The following MCC variants were observed in gnomAD, a reference collection of about 807,000 sequenced individuals.
The protein encoded by MCC is MCC regulator of Wnt signaling pathway, also known as colorectal mutant cancer protein.
In MCC, 90 loss-of-function variants were observed where a neutral mutation model predicts 116.2. That is an observed-to-expected ratio of 0.77 (90% CI 0.65 to 0.92). MCC has a LOEUF of 0.92. Ranked by LOEUF, MCC falls within the 40% of genes least tolerant of loss-of-function variation. MCC has a pLI of 0.00. For synonymous variants in MCC, 578 were observed against 510.5 expected (o/e 1.13, Z -1.78); for missense variants, 1,516 against 1,312.2 (o/e 1.16, Z -2.40).
chr5:113,488,389 G>T lies in MCC; in HGVS notation c.26C>A (p.Ala9Asp). 1 of 1,404,276 alleles carries T rather than the reference G, an allele frequency of 7.1e-7. No individual in the cohort carries two copies. The highest frequency in any genetic ancestry group is 9.2e-7 in the Non-Finnish European group (1 of 1,090,642). The allele number at this position is 1,404,276 out of a possible 1,614,324, so 87.0% of individuals were successfully genotyped here. ...GCCGCCGCTGCTGGAGCTCCCCGCA[G>T]CCGCTGCCGCCGCGGCCGCCATCAT... MMAAAAAA[A>D]AGSSSSGGGG... The change falls in exon 1 of 19, where the codon GCT (alanine) becomes GAT (aspartate). Residue 9 changes from alanine (A) to aspartate (D), a missense_variant. Physicochemically the swap from Ala to Asp is moderately radical, Grantham distance 126 (BLOSUM62 -2). Transcript: ENST00000408903.
chr5:113,168,373 G>A (rs1400268925), intron 3 of MCC, among the ~76,000 whole-genome samples: 1 of 152,160 alleles, frequency 6.6e-6, no homozygotes, highest in Non-Finnish European at 1.5e-5. Context: ...GCTTTAACAT[G>A]ATTCAGTTCT....
rs1765527984 is a variant in MCC at position 113,269,304 on chromosome 5, CAATGATACCT to C, written c.627+71205_627+71214del. The C allele has an allele frequency of 7.9e-6, 4 of 508,226 alleles. No individual in the cohort carries two copies. In the African/African-American group the frequency reaches 1.4e-4, roughly 18 times the overall value. The allele number at this position is 508,226 out of a possible 1,614,324, so 31.5% of individuals were successfully genotyped here. ...AACCAGAGGCCAATGAACTCTTTTT[CAATGATACCT>C]TTTTCAATGATACCTTAACTGATAA... On this transcript the variant is annotated intron_variant, in intron 3 of 18. Transcript: ENST00000408903.
At chr5:113,431,763 AGGGG>A (rs34082350) in intron 1 of MCC, among the ~76,000 whole-genome samples, 1 of 40,776 alleles carries the variant, frequency 2.5e-5, no homozygotes, top group African/African-American at 5.1e-5. Context: ...TGGGAGGCCA[AGGGG>A]GGGGGGGGGT....
At chr5:113,130,508 T>C (rs543511539) in intron 5 of MCC, among the ~76,000 whole-genome samples, 21 of 152,284 alleles carry the variant, frequency 1.4e-4, no homozygotes, top group African/African-American at 4.8e-4. Context: ...ATATACCTTC[T>C]TGAGAGCCTG....
intron 1 of MCC, among the ~76,000 whole-genome samples, chr5:113,409,054 A>G (rs1440309886): frequency 6.6e-6 from 1 of 152,224 alleles, no homozygotes; most frequent in South Asian, 2.1e-4. Flanking sequence ...CCAATTTATC[A>G]GTCAGAGGAT....
chr5:113,238,600 AAATG>A (rs1331331464), intron 3 of MCC, among the ~76,000 whole-genome samples: 1 of 152,246 alleles, frequency 6.6e-6, no homozygotes, highest in Non-Finnish European at 1.5e-5. Flanking sequence ...TACAATTCAA[AAATG>A]AAGGCTGTTA....
intron 3 of MCC, among the ~76,000 whole-genome samples, chr5:113,241,045 A>C (rs1764344497): frequency 6.6e-6 from 1 of 152,222 alleles, no homozygotes; most frequent in Non-Finnish European, 1.5e-5. Flanking sequence ...GTTGAATCAG[A>C]AACTGAGTAA....
intron 3 of MCC, among the ~76,000 whole-genome samples, chr5:113,238,044 T>C (rs755914486): frequency 3.9e-5 from 6 of 152,222 alleles, no homozygotes; most frequent in South Asian, 2.1e-4. Context: ...CAAAAATTTC[T>C]GGCTGCAAGA....
intron 5 of MCC, among the ~76,000 whole-genome samples, chr5:113,138,403 A>T (rs1758971026): frequency 6.6e-6 from 1 of 152,186 alleles, no homozygotes; most frequent in Non-Finnish European, 1.5e-5. Context: ...AGATGAGGTC[A>T]TGAGGGTGGG....
At chr5:113,181,905 G>A (rs1014442496) in intron 3 of MCC, among the ~76,000 whole-genome samples, 1 of 152,146 alleles carries the variant, frequency 6.6e-6, no homozygotes, top group East Asian at 1.9e-4. Context: ...CAGTTGCCAC[G>A]CAGATATGTT....
At chr5:113,344,141 G>A (rs572080067) in intron 2 of MCC, among the ~76,000 whole-genome samples, 1 of 152,146 alleles carries the variant, frequency 6.6e-6, no homozygotes, top group Non-Finnish European at 1.5e-5. Context: ...CACAGCAAGT[G>A]GGGGACTTGG....
intron 2 of MCC, among the ~76,000 whole-genome samples, chr5:113,341,007 C>T (rs1039894021): frequency 6.6e-6 from 1 of 152,174 alleles, no homozygotes; most frequent in African/African-American, 2.4e-5. Context: ...ACTGGAGAGC[C>T]AAGTAAAGGG....
rs942138392 is a variant in MCC at position 113,025,560 on chromosome 5, A to C, written c.*1742T>G. On this transcript the variant is annotated 3_prime_UTR_variant, in exon 19 of 19. Transcript: ENST00000408903. ...CAGTGAGCCAAGATCACGCCACTGC[A>C]CTTCAGCCTGGTGACGAGCAAAACT... The C allele has an allele frequency of 7.2e-6, 1 of 138,200 alleles. No individual in the cohort carries two copies. The highest frequency in any genetic ancestry group is 2.1e-4 in the East Asian group (1 of 4,764). The allele number at this position is 138,200 out of a possible 1,614,324, so 8.6% of individuals were successfully genotyped here. A position where few individuals can be genotyped will look rare whatever the true frequency, so the allele number is the denominator to read the frequency against.
At chr5:113,311,611 T>C (rs539134341) in intron 3 of MCC, among the ~76,000 whole-genome samples, 22 of 152,264 alleles carry the variant, frequency 1.4e-4, no homozygotes, top group Non-Finnish European at 2.4e-4. Flanking sequence ...GTCACTGATA[T>C]AGTCTTTTAA....
At chr5:113,281,297 C>T (rs1051203878) in intron 3 of MCC, among the ~76,000 whole-genome samples, 10 of 152,168 alleles carry the variant, frequency 6.6e-5, no homozygotes, top group African/African-American at 1.9e-4. Flanking sequence ...AAGTGTGCAT[C>T]ACTGATAAAA....
chr5:113,138,173 C>T (rs551384424), intron 5 of MCC, among the ~76,000 whole-genome samples: 18 of 152,210 alleles, frequency 1.2e-4, no homozygotes, highest in South Asian at 4.2e-4. Flanking sequence ...CGCACCACCA[C>T]GCCCAGCTAA....
chr5:113,411,086 T>C (rs1356145338), intron 1 of MCC, among the ~76,000 whole-genome samples: 1 of 152,222 alleles, frequency 6.6e-6, no homozygotes, highest in Admixed American at 6.5e-5. Flanking sequence ...TGTGTCTTCA[T>C]AGCAGCATGA....
At chr5:113,301,796 T>C (rs1380992983) in intron 3 of MCC, among the ~76,000 whole-genome samples, 2 of 152,190 alleles carry the variant, frequency 1.3e-5, no homozygotes, top group African/African-American at 4.8e-5. Flanking sequence ...TTTTATTTAA[T>C]TGAAATTTAA....
intron 3 of MCC, among the ~76,000 whole-genome samples, chr5:113,227,722 T>G (rs902706638): frequency 6.6e-6 from 1 of 152,254 alleles, no homozygotes; most frequent in Non-Finnish European, 1.5e-5. Context: ...TTAAAACTAC[T>G]GTATAACTAT....
Sources: gnomAD v4.1 joint callset for allele counts (sites outside exome capture counted in the v4.1 genomes callset) on GRCh38, gnomAD v4.1.1 for gene constraint, MANE v1.5 for transcripts, NCBI Gene and HGNC (gene_info 2026-07-23, HGNC 2026-07-21) for gene names.